Variants in SLC25A26 observed in about 807,000 individuals in gnomAD.
SLC25A26 encodes solute carrier family 25 member 26.
In SLC25A26, 36 loss-of-function variants were observed where a neutral mutation model predicts 37.8. The ratio of observed to expected loss-of-function variants is 0.95; its 90% CI spans 0.73 to 1.26. SLC25A26 has a LOEUF of 1.26. Ranked by LOEUF, SLC25A26 falls within the 50% of genes most tolerant of loss-of-function variation. SLC25A26 has a pLI of 0.00. For synonymous variants in SLC25A26, 129 were observed against 122.5 expected, an observed-to-expected ratio of 1.05 and a Z score of -0.35; for missense variants, 390 against 331.1, an observed-to-expected ratio of 1.18 and a Z score of -1.38.
chr3:66,231,068 C>T (rs979727725), intron 1 of SLC25A26, among the ~76,000 whole-genome samples: 6 of 151,762 alleles, frequency 4.0e-5, no homozygotes, highest in South Asian at 2.1e-4. Context: ...TCAGCTACTC[C>T]GGAGGCTGAG....
intron 5 of SLC25A26, among the ~76,000 whole-genome samples, chr3:66,288,194 T>G (rs2074578618): frequency 6.6e-6 from 1 of 152,154 alleles, no homozygotes; most frequent in Admixed American, 6.5e-5. Flanking sequence ...ACTGACAAGA[T>G]AAGAACAAAT....
At chr3:66,183,375 T>G (rs776059231) in intron 1 of SLC25A26, among the ~76,000 whole-genome samples, 5 of 151,880 alleles carry the variant, frequency 3.3e-5, no homozygotes, top group African/African-American at 4.8e-5. Flanking sequence ...AATGAACTTG[T>G]CTATAGGCAG....
chr3:66,248,531 C>T (rs1360665595), intron 3 of SLC25A26, among the ~76,000 whole-genome samples: 2 of 152,094 alleles, frequency 1.3e-5, no homozygotes, highest in East Asian at 1.9e-4. Flanking sequence ...TAAGATTTGA[C>T]GTGTTGTATC....
chr3:66,204,446 AAGAAAAAAGAAAGAAAAAG>A (rs2071151436), intron 1 of SLC25A26, among the ~76,000 whole-genome samples: 1 of 148,146 alleles, frequency 6.8e-6, no homozygotes, highest in Admixed American at 6.7e-5. Context: ...AAAAGAAAAA[AAGAAAAAAGAAAGAAAAAG>A]AAAAAAGAAA....
intron 1 of SLC25A26, among the ~76,000 whole-genome samples, chr3:66,226,903 A>G (rs567750206): frequency 6.6e-6 from 1 of 152,338 alleles, no homozygotes; most frequent in South Asian, 2.1e-4. Context: ...AAAAATTGCA[A>G]AGCTGATGTT....
chr3:66,188,661 G>A (rs1194554063), intron 1 of SLC25A26, among the ~76,000 whole-genome samples: 1 of 152,110 alleles, frequency 6.6e-6, no homozygotes, highest in African/African-American at 2.4e-5. Flanking sequence ...GCGGAACTGT[G>A]AGCCAATTAA....
intron 1 of SLC25A26, among the ~76,000 whole-genome samples, chr3:66,145,197 C>A (rs1412311027): frequency 2.6e-5 from 4 of 152,142 alleles, no homozygotes; most frequent in African/African-American, 9.7e-5. Flanking sequence ...CAATGAATAT[C>A]ATGTGAAAGG....
intron 1 of SLC25A26, among the ~76,000 whole-genome samples, chr3:66,209,090 G>GGTATATATACCTTT (rs2071233237): frequency 4.3e-5 from 2 of 46,358 alleles, no homozygotes; most frequent in Non-Finnish European, 8.6e-5. Flanking sequence ...ATATAAAGAT[G>GGTATATATACCTTT]TATATATATA....
chr3:66,362,216 A>G (rs2076724421), intron 6 of SLC25A26, among the ~76,000 whole-genome samples: 1 of 152,218 alleles, frequency 6.6e-6, no homozygotes, highest in Non-Finnish European at 1.5e-5. Context: ...GAAAGCATGT[A>G]TACATATAAA....
intron 5 of SLC25A26, among the ~76,000 whole-genome samples, chr3:66,328,762 A>C (rs2075900286): frequency 1.3e-5 from 2 of 152,190 alleles, no homozygotes; most frequent in Non-Finnish European, 2.9e-5. Flanking sequence ...TCTTTTAATA[A>C]AATTACTTGC....
intron 6 of SLC25A26, among the ~76,000 whole-genome samples, chr3:66,348,887 G>T (rs955607757): frequency 9.9e-5 from 15 of 152,150 alleles, no homozygotes; most frequent in Non-Finnish European, 1.9e-4. Context: ...CAATGAGAAG[G>T]TCACGTTCCA....
chr3:66,295,981 G>T (rs767921968), intron 5 of SLC25A26, among the ~76,000 whole-genome samples: 28 of 152,018 alleles, frequency 1.8e-4, no homozygotes, highest in Non-Finnish European at 2.6e-4. Flanking sequence ...GCTGGGCATG[G>T]TGGCAGGCAC....
intron 3 of SLC25A26, among the ~76,000 whole-genome samples, chr3:66,257,042 A>C (rs1036661888): frequency 8.5e-5 from 13 of 152,214 alleles, no homozygotes; most frequent in Admixed American, 7.2e-4. Context: ...TTTGGTGCAT[A>C]CCATCTTCTT....
chr3:66,342,494 A>G (rs115830824), intron 5 of SLC25A26, among the ~76,000 whole-genome samples: 2,259 of 152,292 alleles, frequency 0.015, 69 homozygotes, highest in African/African-American at 0.051. Context: ...ATATCTTCAT[A>G]TCTCTTCAGT....
chr3:66,260,236 G>T (rs1226103464), intron 3 of SLC25A26, among the ~76,000 whole-genome samples: 1 of 151,964 alleles, frequency 6.6e-6, no homozygotes, highest in African/African-American at 2.4e-5. Flanking sequence ...TTATTTATAT[G>T]TATTTGCGGG....
At chr3:66,156,954 C>G (rs765468289) in intron 1 of SLC25A26, among the ~76,000 whole-genome samples, 2 of 152,096 alleles carry the variant, frequency 1.3e-5, no homozygotes, top group Non-Finnish European at 2.9e-5. Context: ...AACAACTGGC[C>G]GGGCATGGTA....
At position 66,368,776 on chromosome 3, in the gene SLC25A26, G is replaced by GGGA. The variant is rs144076041; in HGVS notation, c.569-699_569-697dup. On this transcript the variant is annotated intron_variant, in intron 7 of 9. Transcript: ENST00000354883. ...TTCATGCCTGTAATCCCAACACTTT[G>GGGA]GGAGGCCGAGGCAGGAGGAGTGCTT... 5.3e-3 allele frequency among the ~76,000 whole-genome samples: 806 copies of GGGA among 152,168 alleles called. 4 individuals carry two copies. Among genetic ancestry groups the GGGA allele is most frequent in the African/African-American group, 0.018 (734 of 41,498 alleles).
In SLC25A26 at chr3:66,193,951, T is replaced by A. The variant is rs1257818677; in HGVS notation, c.-353-26791T>A. 2.0e-5 allele frequency among the ~76,000 whole-genome samples: 3 copies of A among 152,320 alleles called. No homozygotes were observed. The East Asian group carries it at 5.8e-4, about 29-fold the overall frequency. On this transcript the variant is annotated intron_variant, in intron 1 of 10. Transcript: ENST00000676754. ...GATCATTAGATGATCACCAGGATGG[T>A]CAACTGAGCGTGCCTCAACACTTGA...
chr3:66,371,210 T>C (rs1265683369), intron 9 of SLC25A26: 1 of 1,520,358 alleles, frequency 6.6e-7, no homozygotes, highest in East Asian at 2.5e-5. Context: ...AGGGACCATA[T>C]ACCAGGGATT....
Sources: allele counts gnomAD v4.1 joint callset (sites outside exome capture counted in the v4.1 genomes callset), GRCh38; gene constraint gnomAD v4.1.1; transcripts MANE v1.5; gene names NCBI Gene and HGNC (gene_info 2026-07-23, HGNC 2026-07-21).